The following SRP54 variants were observed in gnomAD, a reference collection of about 807,000 sequenced individuals.
SRP54 encodes the protein signal recognition particle subunit SRP54.
Under a neutral mutation model 64.8 loss-of-function variants are expected in SRP54, and 10 were observed. The ratio of observed to expected loss-of-function variants is 0.15; its 90% CI spans 0.10 to 0.26. The LOEUF (loss-of-function observed/expected upper bound fraction) is 0.26. Ranked by LOEUF, SRP54 falls within the 10% of genes least tolerant of loss-of-function variation. SRP54 has a pLI of 1.00. For synonymous variants in SRP54, 193 were observed against 185.6 expected, an observed-to-expected ratio of 1.04 and a Z score of -0.32; for missense variants, 325 against 613.7, an observed-to-expected ratio of 0.53 and a Z score of 4.97.
intron 6 of SRP54, 32 bp downstream of exon 6, chr14:35,008,725 A>G (rs779629275): frequency 7.5e-6 from 12 of 1,604,620 alleles, no homozygotes; most frequent in East Asian, 2.2e-5. Context: ...ATTGTTTTAT[A>G]TAATTTTTAT....
At chr14:34,993,694 TTA>T (rs1163162328) in intron 1 of SRP54, among the ~76,000 whole-genome samples, 3 of 152,006 alleles carry the variant, frequency 2.0e-5, no homozygotes, top group Non-Finnish European at 2.9e-5. Context: ...AATTAATTAA[TTA>T]ATTTATTTAT....
chr14:34,985,231 A>G (rs972443202), intron 1 of SRP54, among the ~76,000 whole-genome samples: 2 of 152,138 alleles, frequency 1.3e-5, no homozygotes, highest in African/African-American at 4.8e-5. Context: ...AGTTGGAGGG[A>G]TAATGAAATG....
At chr14:34,990,228 C>T (rs1411658157) in intron 1 of SRP54, among the ~76,000 whole-genome samples, 1 of 152,172 alleles carries the variant, frequency 6.6e-6, no homozygotes, top group Non-Finnish European at 1.5e-5. Flanking sequence ...TCATTTCTTT[C>T]TGAACGTTGC....
chr14:34,996,618 ACTCTTCAGT>A, intron 1 of SRP54, 50 bp from the exon 2 acceptor site: 1 of 869,228 alleles, frequency 1.2e-6, no homozygotes, highest in Non-Finnish European at 2.0e-6. Context: ...ACTCTTTAGA[ACTCTTCAGT>A]CATGGGAAGT....
chr14:35,010,977 G>A lies in SRP54; in HGVS notation c.486-532G>A, dbSNP rs185098735. 5.2e-3 allele frequency among the ~76,000 whole-genome samples: 793 copies of A among 152,254 alleles called. 27 individuals are homozygous for A. Among genetic ancestry groups the A allele is most frequent in the Admixed American group, 0.046 (697 of 15,280 alleles). On this transcript the variant is annotated intron_variant, in intron 7 of 15. Transcript: ENST00000216774. ...GTCTTGCTCTGTTGCCCAAGTTGGA[G>A]TGCAGTTGCATGATCATAAGCTCAC...
chr14:35,004,134 C>T (rs2044221926), intron 4 of SRP54, among the ~76,000 whole-genome samples: 1 of 151,766 alleles, frequency 6.6e-6, no homozygotes. Flanking sequence ...CCTGTAATCC[C>T]AGCTACTTGG....
rs1210313563 is a variant in SRP54, at chr14:35,011,650, T to C, written c.627T>C (p.Ala209=). 1 of 1,568,912 alleles carries C rather than the reference T, an allele frequency of 6.4e-7. No homozygotes were observed. Among genetic ancestry groups the C allele is most frequent in the East Asian group, 2.3e-5 (1 of 44,280 alleles). The change falls in exon 8 of 16, where the codon GCT becomes GCC. Residue 209 remains alanine, a synonymous_variant. Transcript: ENST00000216774. ...TGTTTGAAGAAATGCTTCAAGTTGCTAATGCTATAGTAAGTAGCTTTCAAT... is the reference window on the plus strand; with the variant it reads ...TGTTTGAAGAAATGCTTCAAGTTGCCAATGCTATAGTAAGTAGCTTTCAAT... ...DSLFEEMLQV[A]NAIQPDNIVY...
chr14:35,001,435 A>G (rs937674105), intron 4 of SRP54, among the ~76,000 whole-genome samples: 14 of 152,024 alleles, frequency 9.2e-5, no homozygotes, highest in African/African-American at 3.1e-4. Context: ...ATAGGTGTGA[A>G]CCACTGCACC....
At position 35,014,873 on chromosome 14, in the gene SRP54, A is replaced by G. The variant is rs770779477; in HGVS notation, c.973+43A>G. On this transcript the variant is annotated intron_variant, in intron 11 of 15. Transcript: ENST00000216774. ...AAGCACTTCATCTCAGATTTCTTCC[A>G]TTGATTTTTTTTATAAAGTTACTAT... 39 of 1,470,390 alleles carry G rather than the reference A, an allele frequency of 2.7e-5. No individual in the cohort carries two copies. In the Middle Eastern group the frequency reaches 5.3e-4, roughly 20 times the overall value. 91.1% of individuals were successfully genotyped at this position (1,470,390 alleles called of 1,614,324 possible). A position where few individuals can be genotyped will look rare whatever the true frequency, so the allele number is the denominator to read the frequency against.
At chr14:35,024,476 A>G (rs925876163) in intron 14 of SRP54, among the ~76,000 whole-genome samples, 3 of 151,814 alleles carry the variant, frequency 2.0e-5, no homozygotes. Flanking sequence ...TTTCCCCCTT[A>G]TATCTTTGTA....
intron 11 of SRP54, among the ~76,000 whole-genome samples, chr14:35,015,284 C>CA (rs2044420347): frequency 6.6e-6 from 1 of 152,138 alleles, no homozygotes; most frequent in Non-Finnish European, 1.5e-5. Flanking sequence ...CCATGTTGGC[C>CA]AGGCTGGTCT....
intron 10 of SRP54, 47 bp downstream of exon 10, chr14:35,013,949 G>A (rs1051938446): frequency 2.3e-6 from 3 of 1,286,596 alleles, no homozygotes; most frequent in Admixed American, 1.9e-5. Flanking sequence ...GAAATACGAT[G>A]TATCTTTAGG....
intron 10 of SRP54, among the ~76,000 whole-genome samples, chr14:35,014,303 G>GTTTTTTTTTT (rs1595005264): frequency 9.5e-6 from 1 of 105,474 alleles, no homozygotes; most frequent in Non-Finnish European, 2.0e-5. Flanking sequence ...TTGAGACGGA[G>GTTTTTTTTTT]TTTCGCTCTT....
intron 1 of SRP54, among the ~76,000 whole-genome samples, chr14:34,984,557 C>T (rs1036875362): frequency 3.9e-5 from 6 of 152,194 alleles, no homozygotes; most frequent in Non-Finnish European, 7.4e-5. Context: ...ACTGGAGTAC[C>T]GAGGCACCAT....
intron 1 of SRP54, among the ~76,000 whole-genome samples, chr14:34,993,958 G>C (rs1048418816): frequency 4.0e-5 from 6 of 151,320 alleles, no homozygotes; most frequent in African/African-American, 1.5e-4. Context: ...GCCTCCCAAA[G>C]TGCTGAGATT....
intron 1 of SRP54, among the ~76,000 whole-genome samples, chr14:34,986,362 A>G (rs1164385218): frequency 6.6e-6 from 1 of 152,212 alleles, no homozygotes; most frequent in Non-Finnish European, 1.5e-5. Context: ...ATATTTGATT[A>G]GGAATTAGAA....
chr14:34,999,015 T>TGTGTGTGG (rs1555353531), intron 2 of SRP54, among the ~76,000 whole-genome samples: 2 of 43,492 alleles, frequency 4.6e-5, no homozygotes, highest in African/African-American at 1.3e-4. Flanking sequence ...GTGTGTGTGG[T>TGTGTGTGG]TTTTTTTTTT....
intron 5 of SRP54, 49 bp from the exon 6 acceptor site, chr14:35,008,578 A>G (rs753003603): frequency 8.0e-7 from 1 of 1,245,444 alleles, no homozygotes; most frequent in South Asian, 1.9e-5. Context: ...TTATATGTAT[A>G]GTTTGTTATA....
chr14:35,002,936 A>G (rs1335776443), intron 4 of SRP54, among the ~76,000 whole-genome samples: 4 of 150,860 alleles, frequency 2.7e-5, no homozygotes, highest in Admixed American at 6.6e-5. Flanking sequence ...TGTAGAGACA[A>G]GGTTTTGCCA....
Sources: gnomAD v4.1 joint callset for allele counts (sites outside exome capture counted in the v4.1 genomes callset) on GRCh38, gnomAD v4.1.1 for gene constraint, MANE v1.5 for transcripts, NCBI Gene and HGNC (gene_info 2026-07-23, HGNC 2026-07-21) for gene names.